The following PDE7B variants were observed in gnomAD, a reference collection of about 807,000 sequenced individuals.
The protein encoded by PDE7B is 3',5'-cyclic-AMP phosphodiesterase 7B.
In PDE7B, 29 loss-of-function variants were observed where a neutral mutation model predicts 56.2. That is an observed-to-expected ratio of 0.52 (90% confidence interval 0.38 to 0.70). The LOEUF is 0.70. PDE7B is among the 30% of genes least tolerant of loss of function. The probability of loss-of-function intolerance (pLI) is 0.00; values close to 1 mark genes in which losing one functional copy is unlikely to be tolerated. For missense variants in PDE7B, 490 were observed against 565.0 expected, an observed-to-expected ratio of 0.87 and a Z score of 1.35; for synonymous variants, 197 against 196.9, an observed-to-expected ratio of 1.00 and a Z score of 0.00.
At chr6:135,931,218 T>G (rs1422785265) in intron 1 of PDE7B, among the ~76,000 whole-genome samples, 1 of 152,236 alleles carries the variant, frequency 6.6e-6, no homozygotes, top group Non-Finnish European at 1.5e-5. Flanking sequence ...GACCAGATCT[T>G]GATTTTAAAC....
chr6:135,976,787 T>C (rs1261403939), intron 2 of PDE7B, among the ~76,000 whole-genome samples: 1 of 152,108 alleles, frequency 6.6e-6, no homozygotes, highest in Non-Finnish European at 1.5e-5. Flanking sequence ...GATAATAACT[T>C]TGGGGATGTC....
intron 3 of PDE7B, among the ~76,000 whole-genome samples, chr6:136,145,416 T>C (rs890431765): frequency 9.9e-5 from 15 of 152,140 alleles, no homozygotes; most frequent in Non-Finnish European, 1.5e-5. Context: ...CTGATACATT[T>C]TCCATCCCTG....
chr6:136,189,124 C>T (rs896130701), intron 12 of PDE7B, among the ~76,000 whole-genome samples: 1 of 150,640 alleles, frequency 6.6e-6, no homozygotes, highest in Non-Finnish European at 1.5e-5. Flanking sequence ...TGCCTCAATC[C>T]AAAATGAGAA....
At chr6:136,126,879 A>G (rs963263014) in intron 3 of PDE7B, among the ~76,000 whole-genome samples, 5 of 152,134 alleles carry the variant, frequency 3.3e-5, no homozygotes, top group African/African-American at 9.7e-5. Flanking sequence ...GGGTGCCAAA[A>G]TCTCCCAAAT....
intron 2 of PDE7B, among the ~76,000 whole-genome samples, chr6:136,020,084 T>C (rs535512563): frequency 3.0e-4 from 46 of 152,330 alleles, no homozygotes; most frequent in African/African-American, 7.7e-4. Flanking sequence ...GGCATAACAA[T>C]ATCACTTCAC....
rs546517696 is a variant in PDE7B, at chr6:136,082,901, T to C, written c.83-25830T>C. ...CGATGTGAGACGAGAAAAAAATAGT[T>C]GAAATTAACTCCCAGATGTCCACCT... is the stretch of plus-strand genomic sequence containing the variant. On this transcript the variant is annotated intron_variant, in intron 2 of 12. Coordinates refer to ENST00000308191, the MANE Select transcript of PDE7B (RefSeq NM_018945.4). 1.1e-4 allele frequency among the ~76,000 whole-genome samples: 16 copies of C among 152,320 alleles called. No individual in the cohort carries two copies. In the South Asian group the frequency reaches 3.3e-3, roughly 32 times the overall value.
At chr6:135,947,719 C>G (rs933992954) in intron 2 of PDE7B, among the ~76,000 whole-genome samples, 195 bp downstream of exon 2, 1 of 151,570 alleles carries the variant, frequency 6.6e-6, no homozygotes, top group African/African-American at 2.4e-5. Flanking sequence ...TCTTAATTGT[C>G]AGCCAGTCAA....
intron 1 of PDE7B, among the ~76,000 whole-genome samples, chr6:135,886,119 T>C (rs182746613): frequency 2.6e-5 from 4 of 152,150 alleles, no homozygotes; most frequent in African/African-American, 9.6e-5. Context: ...TAAACAGCAG[T>C]AGTCAAATGG....
At chr6:136,090,780 G>A (rs1303606920) in intron 2 of PDE7B, among the ~76,000 whole-genome samples, 1 of 152,108 alleles carries the variant, frequency 6.6e-6, no homozygotes, top group African/African-American at 2.4e-5. Context: ...CCCTGTCTCT[G>A]TCTCCCACTC....
chr6:135,945,658 A>G (rs1467786719), intron 1 of PDE7B, among the ~76,000 whole-genome samples: 3 of 152,158 alleles, frequency 2.0e-5, no homozygotes, highest in African/African-American at 7.2e-5. Flanking sequence ...GTCTTATATA[A>G]TGTATAGTTA....
At chr6:136,120,385 T>C (rs1453324807) in intron 3 of PDE7B, among the ~76,000 whole-genome samples, 1 of 152,176 alleles carries the variant, frequency 6.6e-6, no homozygotes, top group Non-Finnish European at 1.5e-5. Context: ...TGTTTTGTTT[T>C]TCACAAGACA....
rs138622151 is a variant in PDE7B at position 136,180,505 on chromosome 6, C to T, written c.949-722C>T. Among the ~76,000 whole-genome samples, 201 of 152,302 alleles carry T rather than the reference C, an allele frequency of 1.3e-3. 1 individual carries two copies. The highest frequency in any genetic ancestry group is 4.4e-3 in the African/African-American group (182 of 41,568). On this transcript the variant is annotated intron_variant, in intron 10 of 12. Coordinates refer to ENST00000308191, the MANE Select transcript of PDE7B (RefSeq NM_018945.4). ...CAAGTTGATATGATCCAAGGGTCTT[C>T]CAGACCCCAACATTGCTATCTGTTC... is the stretch of plus-strand genomic sequence containing the variant.
At chr6:135,979,908 A>G (rs1239266612) in intron 2 of PDE7B, among the ~76,000 whole-genome samples, 1 of 152,190 alleles carries the variant, frequency 6.6e-6, no homozygotes, top group Non-Finnish European at 1.5e-5. Flanking sequence ...TCAAGCTACC[A>G]ATGACTTTCT....
intron 1 of PDE7B, among the ~76,000 whole-genome samples, chr6:135,881,010 G>A (rs1323828258): frequency 6.6e-6 from 1 of 152,162 alleles, no homozygotes; most frequent in African/African-American, 2.4e-5. Flanking sequence ...CAGGTATGAA[G>A]TTCGCACATT....
At chr6:135,858,136 TATTTA>T (rs1243917303) in intron 1 of PDE7B, among the ~76,000 whole-genome samples, 2 of 152,138 alleles carry the variant, frequency 1.3e-5, no homozygotes, top group Non-Finnish European at 2.9e-5. Flanking sequence ...TTTTTCATTT[TATTTA>T]ATTTAATTAC....
At chr6:136,173,060 T>C (rs899550020) in intron 8 of PDE7B, among the ~76,000 whole-genome samples, 4 of 152,060 alleles carry the variant, frequency 2.6e-5, no homozygotes, top group Non-Finnish European at 5.9e-5. Context: ...ATCAATATCA[T>C]GAAAATGGCC....
intron 1 of PDE7B, among the ~76,000 whole-genome samples, chr6:135,856,768 A>T (rs77821104): frequency 0.045 from 6,914 of 152,246 alleles, 243 homozygotes; most frequent in East Asian, 0.16. Flanking sequence ...ACACACAGAC[A>T]TCTATTAAGC....
intron 8 of PDE7B, among the ~76,000 whole-genome samples, chr6:136,168,085 G>T (rs1280118871): frequency 2.0e-5 from 3 of 152,166 alleles, no homozygotes; most frequent in African/African-American, 4.8e-5. Flanking sequence ...AGAGAAAGAG[G>T]TGTTTGCAGA....
chr6:136,130,310 T>C (rs1778095956), intron 3 of PDE7B, among the ~76,000 whole-genome samples: 1 of 152,166 alleles, frequency 6.6e-6, no homozygotes, highest in African/African-American at 2.4e-5. Flanking sequence ...CTTGAATGTC[T>C]CTTCTCTCTT....
Sources: allele counts gnomAD v4.1 joint callset (sites outside exome capture counted in the v4.1 genomes callset), GRCh38; gene constraint gnomAD v4.1.1; transcripts MANE v1.5; gene names NCBI Gene and HGNC (gene_info 2026-07-23, HGNC 2026-07-21).